The following CYP2A6 variants were observed in gnomAD, a reference collection of about 807,000 sequenced individuals.
CYP2A6 encodes cytochrome P450 2A6.
A neutral mutation model predicts 42.3 loss-of-function variants in CYP2A6; 27 were observed. The ratio of observed to expected loss-of-function variants is 0.64; its 90% CI spans 0.47 to 0.88. CYP2A6 has a LOEUF of 0.88. CYP2A6 is among the 40% of genes least tolerant of loss of function. The pLI is 0.00. For synonymous variants in CYP2A6, 238 were observed against 246.3 expected, an observed-to-expected ratio of 0.97 and a Z score of 0.31; for missense variants, 628 against 646.0, an observed-to-expected ratio of 0.97 and a Z score of 0.30.
At position 40,849,179 on chromosome 19, in the gene CYP2A6, A is replaced by G. The variant is rs1395002735; in HGVS notation, c.344-416T>C. ...AAACAGAGGGATAAGGGGACACTCC[A>G]TGGAGGAAGGGAAGGAAGTGGGGAG... On this transcript the variant is annotated intron_variant, in intron 2 of 8. Transcript: ENST00000301141. 4.0e-5 allele frequency among the ~76,000 whole-genome samples: 6 copies of G among 150,682 alleles called. No individual in the cohort carries two copies. In the East Asian group the frequency reaches 1.2e-3, roughly 31 times the overall value.
chr19:40,844,995 G>A (rs2083448492), intron 7 of CYP2A6: 17 of 667,026 alleles, frequency 2.5e-5, no homozygotes. Flanking sequence ...CAGGAGTTTG[G>A]GGGACCTGAG....
intron 2 of CYP2A6, 64 bp from the exon 3 acceptor site, chr19:40,848,827 T>A: frequency 6.5e-7 from 1 of 1,541,856 alleles, no homozygotes; most frequent in Non-Finnish European, 8.8e-7. Flanking sequence ...GCGGAGCAGC[T>A]CCAAGGGGCT....
chr19:40,849,054 GAGA>G (rs1967171153), intron 2 of CYP2A6, among the ~76,000 whole-genome samples: 4 of 122,172 alleles, frequency 3.3e-5, no homozygotes, highest in Admixed American at 7.9e-5. Context: ...AGGAGAGAGA[GAGA>G]GAGAGAGAGA....
rs1387016408 is a variant in CYP2A6, at chr19:40,844,408, A to G, written c.1303+223T>C. Among the ~76,000 whole-genome samples the G allele has an allele frequency of 1.3e-5, 2 of 151,344 alleles. 1 individual carries two copies. The highest frequency in any genetic ancestry group is 4.0e-4 in the East Asian group (2 of 4,974). On this transcript the variant is annotated intron_variant, in intron 8 of 8. Coordinates refer to ENST00000301141, the MANE Select transcript of CYP2A6 (RefSeq NM_000762.6). ...TCTGAGGAATCTGCTGTGTGACCCT[A>G]GAGAAATACATCTACGGGGAAAGAT...
Position 40,844,034 on chromosome 19 carries a change from C to G in CYP2A6, c.1304-57G>C, listed in dbSNP as rs1211551063. The G allele has an allele frequency of 2.3e-5, 35 of 1,522,396 alleles. No homozygotes were observed. The Middle Eastern group carries it at 1.1e-3, about 47-fold the overall frequency. The allele number at this position is 1,522,396 out of a possible 1,614,324, so 94.3% of individuals were successfully genotyped here. On this transcript the variant is annotated intron_variant, in intron 8 of 8. Coordinates refer to ENST00000301141, the MANE Select transcript of CYP2A6 (RefSeq NM_000762.6). ...AAGCCCACTCTCAGTGCAGCCTCGC[C>G]CCAGTACCGACCTCCAGCTGCGGCT...
At chr19:40,849,027 AGAGAGAGAAGAGAGAGAG>A (rs1181087575) in intron 2 of CYP2A6, among the ~76,000 whole-genome samples, 39 of 42,792 alleles carry the variant, frequency 9.1e-4, no homozygotes, top group Middle Eastern at 8.9e-3. Context: ...GAGAGGAGAG[AGAGAGAGAAGAGAGAGAG>A]GAGAGAGAGA....
rs28399463 is a variant in CYP2A6 at position 40,844,682 on chromosome 19, T to C, written c.1252A>G (p.Asn418Asp). ...PQDFNPQHFLNEKGQFKKSDA... is the reference protein window; with the variant it reads ...PQDFNPQHFLDEKGQFKKSDA... ...CTCTTCTTAAACTGCCCCTTCTCAT[T>C]CAGGAAGTGCTGGGGATTGAAGTCC... Residue 418 changes from asparagine (N) to aspartate (D), a missense_variant, in exon 8 of 9, where the codon AAT (asparagine) becomes GAT (aspartate). By Grantham distance (23) the Asn-to-Asp change is conservative (BLOSUM62 1). Around this residue, in one of 2 missense-constraint regions of CYP2A6, gnomAD observed 606 missense variants for 568.1 expected, o/e 1.07. Transcript: ENST00000301141. The C allele has an allele frequency of 1.2e-3, 2,006 of 1,610,716 alleles. 67 individuals carry two copies. In the African/African-American group the frequency reaches 0.021, roughly 16 times the overall value.
Position 40,845,345 on chromosome 19 carries a change from CAA to C in CYP2A6, c.1108_1109del (p.Leu370GlyfsTer17). Reference protein sequence around the residue: ...QRFGDVIPMSLARRVKKDTKF... With the variant: ...QRFGDVIPMSXARRVKKDTKF... ...TGGTGTCCTTTTTGACTCTGCGGGC[CAA>C]ACTCATGGGGATCACGTCTCCAAAT... On this transcript the variant is annotated frameshift_variant, in exon 7 of 9. Transcript: ENST00000301141. LOFTEE classifies it high-confidence loss of function. The C allele has an allele frequency of 6.2e-7, 1 of 1,611,606 alleles. No homozygotes were observed.
In CYP2A6 at chr19:40,848,128, G is replaced by C. The variant is rs931613897; in HGVS notation, c.654+91C>G. 3.0e-5 allele frequency: 47 copies of C among 1,575,490 alleles called. 2 individuals carry two copies. Among genetic ancestry groups the C allele is most frequent in the Admixed American group, 6.9e-5 (4 of 58,104 alleles). ...GATTTTGAGGGGACACTGTCTGGAG[G>C]GCGGTGGGAGTTTGGGGCACCTGTC... On this transcript the variant is annotated intron_variant, in intron 4 of 8. Transcript: ENST00000301141.
rs771674194 is a variant in CYP2A6, at chr19:40,848,747, G to A, written c.360C>T (p.Asn120=). The change falls in exon 3 of 9, where the codon AAC becomes AAT. Residue 120 remains asparagine, a synonymous_variant. Coordinates refer to ENST00000301141, the MANE Select transcript of CYP2A6 (RefSeq NM_000762.6). ...VFKGYGVVFS[N]GERAKQLRRF... Reference sequence around the variant, plus strand: ...GCCGGAGCTGCTTGGCGCGCTCCCCGTTGCTGAATACCACGCCTGGGGAGG... The same window carrying A: ...GCCGGAGCTGCTTGGCGCGCTCCCCATTGCTGAATACCACGCCTGGGGAGG... 3 of 1,611,514 alleles carry A rather than the reference G, an allele frequency of 1.9e-6. No homozygotes were observed. The highest frequency in any genetic ancestry group is 1.7e-5 in the Admixed American group (1 of 59,970).
At chr19:40,849,021 G>A (rs1479192857) in intron 2 of CYP2A6, among the ~76,000 whole-genome samples, 14 of 50,110 alleles carry the variant, frequency 2.8e-4, no homozygotes, top group South Asian at 1.6e-3. Context: ...AAGAGAGAGA[G>A]GAGAGAGAGA....
chr19:40,844,107 G>A (rs2083444090), intron 8 of CYP2A6, 130 bp from the exon 9 acceptor site: 1 of 1,442,474 alleles, frequency 6.9e-7, no homozygotes, highest in Non-Finnish European at 9.1e-7. Context: ...GAGTTTCAGA[G>A]GAGGCTCTGA....
At position 40,846,592 on chromosome 19, in the gene CYP2A6, C is replaced by G. The variant is rs1037927648; in HGVS notation, c.831+283G>C. ...CTTGGCTCATTGCAACCTCTGCCCC[C>G]CTTCGCGCCACCATGCCCAACTAAT... On this transcript the variant is annotated intron_variant, in intron 5 of 8. Transcript: ENST00000301141. 9.9e-5 allele frequency among the ~76,000 whole-genome samples: 15 copies of G among 151,464 alleles called. 1 individual carries two copies. In the South Asian group the frequency reaches 2.5e-3, roughly 25 times the overall value.
chr19:40,844,121 T>G (rs2083444138), intron 8 of CYP2A6, 144 bp from the exon 9 acceptor site: 19 of 1,395,894 alleles, frequency 1.4e-5, no homozygotes, highest in Non-Finnish European at 1.7e-5. Flanking sequence ...GCTCTGATCC[T>G]CCCTGAGCCT....
chr19:40,848,462 C>G lies in CYP2A6; in HGVS notation c.494-83G>C, dbSNP rs1967138970. The G allele has an allele frequency of 5.2e-5, 83 of 1,592,222 alleles. 3 individuals carry two copies. In the South Asian group the frequency reaches 9.0e-4, roughly 17 times the overall value. On this transcript the variant is annotated intron_variant, in intron 3 of 8. Transcript: ENST00000301141. ...GAGTCAGAATTCCAGGAGGCAGGGC[C>G]TTGTTGAGCCAAATTCCCAGCGCCA...
At chr19:40,844,896 G>A in intron 7 of CYP2A6, 124 bp from the exon 8 acceptor site, 1 of 1,310,322 alleles carries the variant, frequency 7.6e-7, no homozygotes, top group Non-Finnish European at 1.0e-6. Flanking sequence ...GAGGAGTTGG[G>A]GTCCTCTGAT....
At chr19:40,849,717 T>A in intron 2 of CYP2A6, 101 bp downstream of exon 2, 1 of 1,564,040 alleles carries the variant, frequency 6.4e-7, no homozygotes, top group Non-Finnish European at 8.6e-7. Context: ...CTGGGGACTC[T>A]GCCTTAGCCT....
chr19:40,848,661 A>G lies in CYP2A6; in HGVS notation c.446T>C (p.Ile149Thr). 1.2e-5 allele frequency: 20 copies of G among 1,611,934 alleles called. No individual in the cohort carries two copies. Among genetic ancestry groups the G allele is most frequent in the Non-Finnish European group, 1.7e-5 (20 of 1,179,892 alleles). ...GVGKRGIEER[I>T]QEEAGFLIDA... The stretch of plus-strand genomic sequence containing the variant: ...GATGAGGAAGCCCGCCTCCTCCTGG[A>G]TGCGCTCCTCGATGCCTCGCTTGCC... Residue 149 changes from isoleucine to threonine, a missense_variant, in exon 3 of 9, where the codon ATC (isoleucine) becomes ACC (threonine). By Grantham distance (89) the Ile-to-Thr change is moderately conservative. Transcript: ENST00000301141.
intron 7 of CYP2A6, 112 bp from the exon 8 acceptor site, chr19:40,844,884 T>A: frequency 7.2e-7 from 1 of 1,392,688 alleles, no homozygotes; most frequent in South Asian, 1.4e-5. Flanking sequence ...GTGGCAGGCA[T>A]GGAGGAGTTG....
Sources: gnomAD v4.1 joint callset for allele counts (sites outside exome capture counted in the v4.1 genomes callset) on GRCh38, gnomAD v4.1.1 for gene constraint, gnomAD v4.1.1 regional missense constraint, MANE v1.5 for transcripts, NCBI Gene and HGNC (gene_info 2026-07-23, HGNC 2026-07-21) for gene names.